Variants in BEND2 observed in about 807,000 individuals in gnomAD.
BEND2 encodes the protein BEN domain containing 2.
In BEND2, 19 loss-of-function variants were observed where a neutral mutation model predicts 43.8. That is an observed-to-expected ratio of 0.43 (90% CI 0.30 to 0.64). BEND2 has a LOEUF of 0.64. BEND2 is among the 30% of genes least tolerant of loss of function. BEND2 has a pLI of 0.11. For synonymous variants in BEND2, 226 were observed against 210.1 expected, an observed-to-expected ratio of 1.08 and a Z score of -0.66; for missense variants, 544 against 574.0, an observed-to-expected ratio of 0.95 and a Z score of 0.53.
In BEND2 at chrX:18,163,451, T is replaced by C. The variant is rs1396518055; in HGVS notation, c.*1558A>G. On this transcript the variant is annotated 3_prime_UTR_variant, in exon 14 of 14. Transcript: ENST00000380033. ...TCTGTCTAATTAATTACATCTTAAA[T>C]GCTCAATAGCCATACGAGCCTATTG... 2 of 112,109 alleles carry C rather than the reference T, an allele frequency of 1.8e-5. No individual in the cohort carries two copies. The highest frequency in any genetic ancestry group is 6.5e-5 in the African/African-American group (2 of 30,915). 9.2% of individuals were successfully genotyped at this position (112,109 alleles called of 1,213,427 possible). A position where few individuals can be genotyped will look rare whatever the true frequency, so the allele number is the denominator to read the frequency against.
chrX:18,205,342 T>TC (rs1410492415), intron 4 of BEND2, among the ~76,000 whole-genome samples: 1 of 108,709 alleles, frequency 9.2e-6, no homozygotes, highest in Non-Finnish European at 1.9e-5. Context: ...GGCAGGCGGA[T>TC]CACTTGAGCT....
Position 18,174,277 on chromosome X carries a change from A to G in BEND2, c.1753-19T>C, listed in dbSNP as rs756100688. ...CAGTTTTCTGTTGAAACACAAAATCATATCCGTAAACAAAGTCCCACAGCA... is the reference window on the plus strand; with the variant it reads ...CAGTTTTCTGTTGAAACACAAAATCGTATCCGTAAACAAAGTCCCACAGCA... On this transcript the variant is annotated intron_variant, in intron 11 of 13. Coordinates refer to ENST00000380033, the MANE Select transcript of BEND2 (RefSeq NM_153346.5). 2 of 1,182,382 alleles carry G rather than the reference A, an allele frequency of 1.7e-6. No individual in the cohort carries two copies. The highest frequency in any genetic ancestry group is 4.4e-5 in the Admixed American group (2 of 45,903).
At chrX:18,203,199 T>C (rs1925221027) in intron 5 of BEND2, among the ~76,000 whole-genome samples, 1 of 111,021 alleles carries the variant, frequency 9.0e-6, no homozygotes, top group Non-Finnish European at 1.9e-5. Flanking sequence ...ATAGAACGGT[T>C]CTGTATCTTG....
Position 18,203,937 on chromosome X carries a change from A to C in BEND2, c.493-22T>G, listed in dbSNP as rs997160034. The C allele has an allele frequency of 3.5e-6, 4 of 1,139,382 alleles. No individual in the cohort carries two copies. The Admixed American group carries it at 7.5e-5, about 21-fold the overall frequency. The allele number at this position is 1,139,382 out of a possible 1,213,427, so 93.9% of individuals were successfully genotyped here. ...GTACCTATCCAGGGTAAGAGAACAG[A>C]ATGAGTAAAGTTATTTTCTTCGGTT... is the stretch of plus-strand genomic sequence containing the variant. On this transcript the variant is annotated intron_variant, in intron 4 of 13. Coordinates refer to ENST00000380033, the MANE Select transcript of BEND2 (RefSeq NM_153346.5).
At chrX:18,195,868 C>CTGTCTCAATTG (rs1274668782) in intron 6 of BEND2, among the ~76,000 whole-genome samples, 1 of 69,003 alleles carries the variant, frequency 1.4e-5, no homozygotes, top group East Asian at 5.6e-4. Flanking sequence ...CAGAGTGAGA[C>CTGTCTCAATTG]AAAAGAAGAA....
At chrX:18,212,768 T>C (rs187129399) in intron 3 of BEND2, 88 bp from the exon 4 acceptor site, 4 of 584,405 alleles carry the variant, frequency 6.8e-6, no homozygotes, top group African/African-American at 4.5e-5. Flanking sequence ...CTAACTCAAA[T>C]TGAATTGGAC....
chrX:18,202,050 A>G (rs1925183987), intron 5 of BEND2, 110 bp from the exon 6 acceptor site: 4 of 794,632 alleles, frequency 5.0e-6, no homozygotes, highest in Non-Finnish European at 7.0e-6. Flanking sequence ...TTCACACACA[A>G]AGGAAAACAA....
chrX:18,184,677 GC>G (rs1381095943), intron 8 of BEND2, among the ~76,000 whole-genome samples: 1 of 111,715 alleles, frequency 9.0e-6, no homozygotes, highest in Non-Finnish European at 1.9e-5. Flanking sequence ...TACCTGGAAA[GC>G]CTTTCCAAGA....
At chrX:18,213,072 G>A (rs962100990) in intron 3 of BEND2, among the ~76,000 whole-genome samples, 1 of 111,550 alleles carries the variant, frequency 9.0e-6, no homozygotes, top group Non-Finnish European at 1.9e-5. Context: ...ATTCTAGATC[G>A]GACCCCCACT....
At chrX:18,179,551 C>T (rs1268849521) in intron 9 of BEND2, among the ~76,000 whole-genome samples, 2 of 111,251 alleles carry the variant, frequency 1.8e-5, no homozygotes, top group Non-Finnish European at 3.8e-5. Flanking sequence ...AGTCAACAAA[C>T]TGCAGTCCAC....
At chrX:18,201,186 G>C (rs1020666811) in intron 6 of BEND2, among the ~76,000 whole-genome samples, 2 of 110,110 alleles carry the variant, frequency 1.8e-5, no homozygotes, top group African/African-American at 6.6e-5. Context: ...CCGAGGTTGA[G>C]AGTTGGAGAC....
intron 4 of BEND2, among the ~76,000 whole-genome samples, chrX:18,211,133 T>C (rs1169812385): frequency 5.4e-5 from 6 of 111,753 alleles, no homozygotes; most frequent in Admixed American, 2.9e-4. Context: ...TTGAGGCTGA[T>C]AGAAGTTAAG....
intron 3 of BEND2, 76 bp downstream of exon 3, chrX:18,213,698 G>C (rs1295332159): frequency 8.2e-6 from 1 of 121,264 alleles, no homozygotes; most frequent in East Asian, 2.8e-4. Context: ...GATCACTTGA[G>C]CTCAAGAGTT....
Position 18,212,620 on chromosome X carries a change from C to T in BEND2, c.437G>A (p.Ser146Asn), listed in dbSNP as rs1375697303. The T allele has an allele frequency of 5.8e-6, 7 of 1,208,713 alleles. No individual in the cohort carries two copies. The South Asian group carries it at 1.2e-4, about 21-fold the overall frequency. The stretch of plus-strand genomic sequence containing the variant: ...AAAATCCACTTCCTCTGAGTTGTAA[C>T]TGTATCTTCTTAAATGTACTGGGTG... ...INHPVHLRRY[S>N]YNSEEVDFPK... The change falls in exon 4 of 14, where the codon AGT becomes AAT. Residue 146 changes from serine to asparagine, a missense_variant. Coordinates refer to ENST00000380033, the MANE Select transcript of BEND2 (RefSeq NM_153346.5).
chrX:18,177,928 T>C (rs1027014211), intron 9 of BEND2, among the ~76,000 whole-genome samples, 159 bp from the exon 10 acceptor site: 3 of 111,919 alleles, frequency 2.7e-5, no homozygotes, highest in African/African-American at 9.7e-5. Context: ...CTTGGGTGAA[T>C]TTTTTTTCTA....
In BEND2 at chrX:18,171,162, G is replaced by A; in HGVS notation, c.2024C>T (p.Ser675Leu). 8.3e-7 allele frequency: 1 copy of A among 1,209,520 alleles called. No individual in the cohort carries two copies. The highest frequency in any genetic ancestry group is 1.8e-5 in the South Asian group (1 of 56,922). ...RPWRNIRMPC[S>L]VLTLAKTKSC... The stretch of plus-strand genomic sequence containing the variant: ...CTTAGTTTTTGCCAAAGTCAGTACT[G>A]AACATGGCATCCGTATATTTCTCCA... The change falls in exon 13 of 14, where the codon TCA becomes TTA. Residue 675 changes from serine to leucine, a missense_variant. Ser to Leu is a moderately radical substitution (Grantham distance 145). This residue lies in a region of BEND2 where 501 missense variants were observed against 501.6 expected (regional missense o/e 1.00). Transcript: ENST00000380033.
intron 1 of BEND2, among the ~76,000 whole-genome samples, chrX:18,220,136 C>T (rs1277144509): frequency 1.8e-5 from 2 of 111,446 alleles, no homozygotes; most frequent in East Asian, 5.7e-4. Flanking sequence ...GGAGAGGCGG[C>T]GGGTACCACC....
At chrX:18,200,329 C>G (rs943244773) in intron 6 of BEND2, among the ~76,000 whole-genome samples, 2 of 109,881 alleles carry the variant, frequency 1.8e-5, no homozygotes, top group Middle Eastern at 4.7e-3. Context: ...ATGGTGAAAC[C>G]CTGTCTCTAC....
intron 4 of BEND2, among the ~76,000 whole-genome samples, chrX:18,209,602 G>A (rs1156657524): frequency 9.0e-6 from 1 of 111,551 alleles, no homozygotes; most frequent in Non-Finnish European, 1.9e-5. Flanking sequence ...GCATAATCTC[G>A]ATCTATTCAA....
Sources: gnomAD v4.1 joint callset for allele counts (sites outside exome capture counted in the v4.1 genomes callset) on GRCh38, gnomAD v4.1.1 for gene constraint, gnomAD v4.1.1 regional missense constraint, MANE v1.5 for transcripts, NCBI Gene and HGNC (gene_info 2026-07-23, HGNC 2026-07-21) for gene names.